Variants in CMKLR1 observed in about 807,000 individuals in gnomAD.
CMKLR1 encodes the protein chemerin-like receptor 1.
Under a neutral mutation model 8.2 loss-of-function variants are expected in CMKLR1, and 6 were observed. The ratio of observed to expected loss-of-function variants is 0.73; its 90% CI spans 0.40 to 1.44. The LOEUF (loss-of-function observed/expected upper bound fraction) is 1.44. Ranked by LOEUF, CMKLR1 falls within the 40% of genes most tolerant of loss-of-function variation. The probability of loss-of-function intolerance (pLI) is 0.02; values close to 1 mark genes in which losing one functional copy is unlikely to be tolerated. For synonymous variants in CMKLR1, 178 were observed against 181.2 expected (o/e 0.98, Z 0.14); for missense variants, 429 against 478.0 (o/e 0.90, Z 0.96).
rs138861371 is a variant in CMKLR1 at position 108,291,979 on chromosome 12, C to T, written c.984G>A (p.Val328=). ...FMGQDFKKFK[V]ALFSRLVNAL... ...CATTGACCAGGCGAGAGAAGAGGGC[C>T]ACCTTGAACTTCTTGAAGTCCTGAC... is the stretch of plus-strand genomic sequence containing the variant. The change falls in exon 4 of 4, where the codon GTG becomes GTA. Residue 328 remains valine (V), a synonymous_variant. Coordinates refer to ENST00000550402, the MANE Select transcript of CMKLR1 (RefSeq NM_001142343.2). 17 of 1,614,148 alleles carry T rather than the reference C, an allele frequency of 1.1e-5. No homozygotes were observed. The African/African-American group carries it at 1.9e-4, about 18-fold the overall frequency.
chr12:108,305,847 C>T (rs1459207778), intron 2 of CMKLR1, among the ~76,000 whole-genome samples: 1 of 152,138 alleles, frequency 6.6e-6, no homozygotes, highest in East Asian at 1.9e-4. Flanking sequence ...GAAGGGGCCA[C>T]GACGGAGCTT....
chr12:108,299,950 C>G (rs1451733565), intron 2 of CMKLR1, among the ~76,000 whole-genome samples: 1 of 152,206 alleles, frequency 6.6e-6, no homozygotes, highest in African/African-American at 2.4e-5. Flanking sequence ...CCTACAGCGT[C>G]CTGCTCACCC....
chr12:108,320,254 T>C (rs1372157770), intron 2 of CMKLR1, among the ~76,000 whole-genome samples: 4 of 152,082 alleles, frequency 2.6e-5, no homozygotes, highest in Non-Finnish European at 4.4e-5. Context: ...AGGCACTGTG[T>C]GGAGTAGAGG....
chr12:108,313,452 A>T (rs1355731915), intron 2 of CMKLR1, among the ~76,000 whole-genome samples: 1 of 152,184 alleles, frequency 6.6e-6, no homozygotes, highest in African/African-American at 2.4e-5. Flanking sequence ...GCAAATCCAC[A>T]TGTGAATCCC....
Position 108,291,744 on chromosome 12 carries a change from G to C in CMKLR1, c.*97C>G. 1 of 1,237,428 alleles carries C rather than the reference G, an allele frequency of 8.1e-7. No homozygotes were observed. Among genetic ancestry groups the C allele is most frequent in the Non-Finnish European group, 1.1e-6 (1 of 879,884 alleles). The allele number at this position is 1,237,428 out of a possible 1,614,324, so 76.7% of individuals were successfully genotyped here. Reference sequence around the variant, plus strand: ...TCCCATGCAAAATGCAGTGAAAATTGGTGGATGCTAAAGAGGTTCTTGCCT... The same window carrying C: ...TCCCATGCAAAATGCAGTGAAAATTCGTGGATGCTAAAGAGGTTCTTGCCT... On this transcript the variant is annotated 3_prime_UTR_variant, in exon 4 of 4. Transcript: ENST00000550402.
chr12:108,296,550 G>A (rs1891141236), intron 2 of CMKLR1, among the ~76,000 whole-genome samples: 2 of 152,196 alleles, frequency 1.3e-5, no homozygotes, highest in Admixed American at 6.5e-5. Flanking sequence ...CAGAGGCCAG[G>A]CACGGTGGCT....
intron 2 of CMKLR1, among the ~76,000 whole-genome samples, chr12:108,316,670 T>C (rs1031778896): frequency 6.6e-6 from 1 of 152,172 alleles, no homozygotes; most frequent in African/African-American, 2.4e-5. Flanking sequence ...GCTGTCCTCC[T>C]GGGGTGAGGG....
At chr12:108,333,787 T>C (rs1188916639) in intron 1 of CMKLR1, among the ~76,000 whole-genome samples, 1 of 152,272 alleles carries the variant, frequency 6.6e-6, no homozygotes, top group Non-Finnish European at 1.5e-5. Context: ...TAGCACCACG[T>C]AGAATTACTG....
At position 108,299,901 on chromosome 12, in the gene CMKLR1, T is replaced by C. The variant is rs1225646921; in HGVS notation, c.-73-6237A>G. 4.6e-5 allele frequency among the ~76,000 whole-genome samples: 7 copies of C among 152,322 alleles called. No individual in the cohort carries two copies. In the East Asian group the frequency reaches 1.2e-3, roughly 25 times the overall value. ...CCACTCAGTTTGTGACAGTTTGTTATGGCAGCGCTGGAAAACAAATACACT... is the reference window on the plus strand; with the variant it reads ...CCACTCAGTTTGTGACAGTTTGTTACGGCAGCGCTGGAAAACAAATACACT... On this transcript the variant is annotated intron_variant, in intron 2 of 3. Coordinates refer to ENST00000550402, the MANE Select transcript of CMKLR1 (RefSeq NM_001142343.2).
At chr12:108,311,722 T>C (rs1323105332) in intron 2 of CMKLR1, among the ~76,000 whole-genome samples, 2 of 152,008 alleles carry the variant, frequency 1.3e-5, no homozygotes, top group Non-Finnish European at 2.9e-5. Flanking sequence ...GGAGGAAGGG[T>C]GGGCCACTGA....
intron 2 of CMKLR1, among the ~76,000 whole-genome samples, chr12:108,302,062 C>CA (rs1891290555): frequency 6.6e-6 from 1 of 150,894 alleles, no homozygotes; most frequent in East Asian, 2.0e-4. Context: ...CCTGCAAATC[C>CA]AAAAAACAGC....
intron 1 of CMKLR1, among the ~76,000 whole-genome samples, chr12:108,336,069 T>C (rs184196413): frequency 6.6e-6 from 1 of 152,156 alleles, no homozygotes; most frequent in African/African-American, 2.4e-5. Context: ...GAAACCTTAT[T>C]GTGCAGCAAA....
At chr12:108,312,245 G>C (rs1891602051) in intron 2 of CMKLR1, among the ~76,000 whole-genome samples, 1 of 152,226 alleles carries the variant, frequency 6.6e-6, no homozygotes, top group Non-Finnish European at 1.5e-5. Context: ...ACCAGGACTT[G>C]AACTCAGATC....
At chr12:108,310,949 GC>G (rs1363232002) in intron 2 of CMKLR1, among the ~76,000 whole-genome samples, 130 of 150,934 alleles carry the variant, frequency 8.6e-4, no homozygotes, top group Non-Finnish European at 1.6e-3. Flanking sequence ...TTCGAAGACC[GC>G]CCCCCCACCC....
chr12:108,293,687 A>T, intron 2 of CMKLR1, 23 bp from the exon 3 acceptor site: 1 of 1,378,576 alleles, frequency 7.3e-7, no homozygotes, highest in East Asian at 2.5e-5. Flanking sequence ...AAAAAAAAAA[A>T]AAAGCAGCAA....
At chr12:108,333,501 GCTCA>G (rs969618959) in intron 1 of CMKLR1, among the ~76,000 whole-genome samples, 2 of 152,174 alleles carry the variant, frequency 1.3e-5, no homozygotes, top group African/African-American at 4.8e-5. Flanking sequence ...CAATTTCAAA[GCTCA>G]CTGTCCCAAA....
intron 2 of CMKLR1, among the ~76,000 whole-genome samples, chr12:108,322,868 A>G (rs1403112238): frequency 2.6e-5 from 4 of 152,174 alleles, no homozygotes; most frequent in Non-Finnish European, 5.9e-5. Flanking sequence ...CACAAAATGG[A>G]CTAAGACACA....
chr12:108,315,566 A>T (rs1469360751), intron 2 of CMKLR1, among the ~76,000 whole-genome samples: 1 of 152,084 alleles, frequency 6.6e-6, no homozygotes, highest in Non-Finnish European at 1.5e-5. Context: ...AAATTCCCAT[A>T]AGGGTCCTGT....
rs910964191 is a variant in CMKLR1, at chr12:108,291,981, C to T, written c.982G>A (p.Val328Met). Residue 328 changes from valine (V) to methionine (M), a missense_variant, in exon 4 of 4, where the codon GTG becomes ATG. Physicochemically the swap from Val to Met is conservative, Grantham distance 21. Transcript: ENST00000550402. ...FMGQDFKKFK[V>M]ALFSRLVNAL... ...TTGACCAGGCGAGAGAAGAGGGCCA[C>T]CTTGAACTTCTTGAAGTCCTGACCC... 1.9e-6 allele frequency: 3 copies of T among 1,614,150 alleles called. No individual in the cohort carries two copies. Among genetic ancestry groups the T allele is most frequent in the Non-Finnish European group, 2.5e-6 (3 of 1,180,040 alleles).
Sources: gnomAD v4.1 joint callset for allele counts (sites outside exome capture counted in the v4.1 genomes callset) on GRCh38, gnomAD v4.1.1 for gene constraint, MANE v1.5 for transcripts, NCBI Gene and HGNC (gene_info 2026-07-23, HGNC 2026-07-21) for gene names.